Variants in TRMT11 observed in about 807,000 individuals in gnomAD.
TRMT11 encodes tRNA (guanine(10)-N(2))-methyltransferase TRMT11.
Under a neutral mutation model 62.8 loss-of-function variants are expected in TRMT11, and 53 were observed. The observed-to-expected ratio is 0.84, with a 90% CI of 0.68 to 1.06. The LOEUF (loss-of-function observed/expected upper bound fraction) is 1.06. Ranked by LOEUF, TRMT11 falls within the 50% of genes least tolerant of loss-of-function variation. The pLI, the probability that TRMT11 is intolerant of heterozygous loss-of-function variation, is 0.00. For missense variants in TRMT11, 556 were observed against 553.4 expected (o/e 1.00, Z -0.05); for synonymous variants, 188 against 190.3 (o/e 0.99, Z 0.10).
intron 1 of TRMT11, among the ~76,000 whole-genome samples, chr6:126,196,226 G>A (rs917055156): frequency 1.3e-5 from 2 of 151,204 alleles, no homozygotes; most frequent in Non-Finnish European, 3.0e-5. Flanking sequence ...ACTTCTACAA[G>A]TACTCTGTAC....
chr6:126,090,672 C>G (rs1777263662), intron 17 of TRMT11, among the ~76,000 whole-genome samples: 1 of 152,092 alleles, frequency 6.6e-6, no homozygotes, highest in African/African-American at 2.4e-5. Flanking sequence ...ATTTAATACA[C>G]CAAGACATCC....
At chr6:126,216,370 G>A in the TRMT11 span, among the ~76,000 whole-genome samples, 2 of 152,002 alleles carry the variant, frequency 1.3e-5, no homozygotes, top group East Asian at 1.9e-4. Context: ...TTTCCTCTTA[G>A]TACTGCTTTT....
At chr6:126,136,565 G>A (rs1361401888) in intron 21 of TRMT11, among the ~76,000 whole-genome samples, 5 of 151,520 alleles carry the variant, frequency 3.3e-5, no homozygotes, top group Non-Finnish European at 5.9e-5. Context: ...TTGTTAAAAT[G>A]TCTATACTAC....
intron 21 of TRMT11, among the ~76,000 whole-genome samples, chr6:126,151,538 G>A (rs1583890395): frequency 1.3e-5 from 2 of 152,008 alleles, no homozygotes; most frequent in South Asian, 4.2e-4. Context: ...TAGAGCTCAG[G>A]GTAGACCCAA....
intron 6 of TRMT11, 49 bp downstream of exon 6, chr6:125,998,733 A>C (rs1792013598): frequency 6.3e-7 from 1 of 1,587,014 alleles, no homozygotes; most frequent in Admixed American, 1.8e-5. Flanking sequence ...TTTGAAAGCT[A>C]CTTATTAGGC....
intron 2 of TRMT11, among the ~76,000 whole-genome samples, chr6:125,994,433 C>T (rs2128747372): frequency 6.6e-6 from 1 of 151,788 alleles, no homozygotes; most frequent in African/African-American, 2.4e-5. Context: ...TCTAACATAG[C>T]TACATAATAT....
the TRMT11 span, among the ~76,000 whole-genome samples, chr6:126,224,479 C>G: frequency 5.9e-5 from 9 of 152,114 alleles, no homozygotes; most frequent in Non-Finnish European, 1.0e-4. Context: ...AGGCCCATGG[C>G]TTTTTTCTTT....
chr6:126,137,053 A>G (rs1777859059), intron 21 of TRMT11, among the ~76,000 whole-genome samples: 1 of 151,658 alleles, frequency 6.6e-6, no homozygotes, highest in Non-Finnish European at 1.5e-5. Flanking sequence ...AACATTGGGG[A>G]CATACAGGAC....
At chr6:126,115,902 A>AC (rs1253214082) in intron 21 of TRMT11, among the ~76,000 whole-genome samples, 1 of 151,422 alleles carries the variant, frequency 6.6e-6, no homozygotes, top group Non-Finnish European at 1.5e-5. Flanking sequence ...GTCTTGCTGC[A>AC]CCCCCTGAGA....
chr6:126,093,629 A>ATTTTTTTT lies in TRMT11; in HGVS notation c.*1438-19236_*1438-19235insTTTTTTTT, dbSNP rs1199202335. On this transcript the variant is annotated intron_variant and NMD_transcript_variant, in intron 17 of 22. Coordinates refer to the TRMT11 transcript ENST00000648977. ...TATATATATATATATATATATATAT[A>ATTTTTTTT]TATTTTCCCCCAGTCCTGGAGGATC... Among the ~76,000 whole-genome samples, 40 of 94,030 alleles carry ATTTTTTTT rather than the reference A, an allele frequency of 4.3e-4. 1 individual carries two copies. Among genetic ancestry groups the ATTTTTTTT allele is most frequent in the African/African-American group, 1.6e-3 (36 of 21,820 alleles). The allele number at this position is 94,030 out of a possible 152,430, so 61.7% of individuals were successfully genotyped here.
chr6:126,258,042 G>T, the TRMT11 span: 1 of 1,318,798 alleles, frequency 7.6e-7, no homozygotes, highest in Non-Finnish European at 1.1e-6. Flanking sequence ...GGCAGCCTGG[G>T]CATCCTCACT....
the TRMT11 span, among the ~76,000 whole-genome samples, chr6:126,228,716 T>C: frequency 4.6e-5 from 7 of 152,186 alleles, no homozygotes; most frequent in Admixed American, 2.6e-4. Context: ...AAGGATGGTG[T>C]AGTCTTATTA....
intron 17 of TRMT11, among the ~76,000 whole-genome samples, chr6:126,073,637 T>A (rs1474621517): frequency 6.6e-6 from 1 of 152,124 alleles, no homozygotes; most frequent in Non-Finnish European, 1.5e-5. Context: ...GTTTTTTTTT[T>A]AGTCCTCTAT....
In TRMT11 at chr6:126,038,786, A is replaced by G. The variant is rs1305399722; in HGVS notation, c.1342A>G (p.Ser448Gly). Residue 448 changes from serine (S) to glycine (G), a missense_variant, in exon 13 of 13, where the codon AGT (serine) becomes GGT (glycine). Coordinates refer to ENST00000334379, the MANE Select transcript of TRMT11 (RefSeq NM_001031712.3). Reference sequence around the variant, plus strand: ...TAATTCCTTCCGTGAGAAATATTTTAGTGGGGTAACAAAAAGAATTGCCAA... The same window carrying G: ...TAATTCCTTCCGTGAGAAATATTTTGGTGGGGTAACAAAAAGAATTGCCAA... ...GHNSFREKYFSGVTKRIAKEE... is the reference protein window; with the variant it reads ...GHNSFREKYFGGVTKRIAKEE... The G allele has an allele frequency of 1.9e-6, 3 of 1,606,368 alleles. No individual in the cohort carries two copies. The highest frequency in any genetic ancestry group is 2.5e-6 in the Non-Finnish European group (3 of 1,176,750).
chr6:126,105,149 C>T lies in TRMT11; in HGVS notation c.*1438-7717C>T, dbSNP rs147927283. On this transcript the variant is annotated intron_variant and NMD_transcript_variant, in intron 17 of 22. Transcript: ENST00000648977. ...ATTAGGACCCGTAAATCATCCCCCT[C>T]AGAACATTATAAATTTTATACAATT... Among the ~76,000 whole-genome samples the T allele has an allele frequency of 4.9e-4, 75 of 152,292 alleles. No individual in the cohort carries two copies. In the East Asian group the frequency reaches 0.012, roughly 24 times the overall value.
At chr6:126,136,829 A>G (rs1371737601) in intron 21 of TRMT11, among the ~76,000 whole-genome samples, 2 of 151,782 alleles carry the variant, frequency 1.3e-5, no homozygotes, top group African/African-American at 4.8e-5. Context: ...AAGTAAGTGC[A>G]TGTATTTACA....
chr6:126,161,634 C>G (rs949622990), intron 21 of TRMT11, among the ~76,000 whole-genome samples: 2 of 152,154 alleles, frequency 1.3e-5, no homozygotes, highest in Non-Finnish European at 2.9e-5. Flanking sequence ...ATTTCTAGTT[C>G]TAGATCCTTG....
the TRMT11 span, among the ~76,000 whole-genome samples, chr6:126,219,454 G>A: frequency 6.6e-6 from 1 of 152,108 alleles, no homozygotes; most frequent in Non-Finnish European, 1.5e-5. Context: ...AATCTGTAGA[G>A]CCTACCAGCA....
chr6:126,013,179 C>T, intron 11 of TRMT11, 78 bp downstream of exon 11: 1 of 1,328,086 alleles, frequency 7.5e-7, no homozygotes. Context: ...CTCTTTATCT[C>T]TTCTTGCATT....
Sources: allele counts gnomAD v4.1 joint callset (sites outside exome capture counted in the v4.1 genomes callset), GRCh38; gene constraint gnomAD v4.1.1; transcripts MANE v1.5; gene names NCBI Gene and HGNC (gene_info 2026-07-23, HGNC 2026-07-21).